The following TENM2 variants were observed in gnomAD, a reference collection of about 807,000 sequenced individuals.
The protein encoded by TENM2 is teneurin-2.
In TENM2, 52 loss-of-function variants were observed where a neutral mutation model predicts 245.2. That is an observed-to-expected ratio of 0.21 (90% CI 0.17 to 0.27). The LOEUF is 0.27. Ranked by LOEUF, TENM2 falls within the 10% of genes least tolerant of loss-of-function variation. The pLI is 1.00. For synonymous variants in TENM2, 1,363 were observed against 1,438.9 expected (o/e 0.95, Z 1.19); for missense variants, 3,046 against 3,666.8 (o/e 0.83, Z 4.37).
At chr5:168,008,738 TCTCTGTTGTCATAATGGG>T (rs1785010068) in intron 5 of TENM2, among the ~76,000 whole-genome samples, 1 of 152,208 alleles carries the variant, frequency 6.6e-6, no homozygotes, top group South Asian at 2.1e-4. Context: ...CCTTAAGGTT[TCTCTGTTGTCATAATGGG>T]AGAACTGAAA....
At chr5:167,874,302 C>A (rs1293641080) in intron 2 of TENM2, among the ~76,000 whole-genome samples, 1 of 152,116 alleles carries the variant, frequency 6.6e-6, no homozygotes, top group Non-Finnish European at 1.5e-5. Flanking sequence ...TTTTTGTATC[C>A]TCAATGTCTA....
the TENM2 span, among the ~76,000 whole-genome samples, chr5:167,133,229 G>T: frequency 6.6e-6 from 1 of 152,118 alleles, no homozygotes; most frequent in Non-Finnish European, 1.5e-5. Flanking sequence ...GGTTAGTATT[G>T]AGGCCGACAC....
chr5:167,561,003 C>T (rs1773553471), intron 2 of TENM2, among the ~76,000 whole-genome samples: 1 of 152,158 alleles, frequency 6.6e-6, no homozygotes. Context: ...AAGCCATGAT[C>T]CAGCCCAAAA....
At position 168,136,069 on chromosome 5, in the gene TENM2, T is replaced by C. The variant is rs1227551182; in HGVS notation, c.2422+9103T>C. 2.6e-5 allele frequency among the ~76,000 whole-genome samples: 4 copies of C among 152,298 alleles called. No homozygotes were observed. The East Asian group carries it at 7.7e-4, about 29-fold the overall frequency. On this transcript the variant is annotated intron_variant, in intron 12 of 28. Transcript: ENST00000518659. ...GACCAACATGTGTCAAGTGAGAAGA[T>C]TAACTCAGCAGATGTTTATATATTC...
exon 25 of TENM2, chr5:168,228,003 C>T: frequency 6.2e-7 from 1 of 1,613,852 alleles, no homozygotes; most frequent in Non-Finnish European, 8.5e-7. Context: ...CTAGCGGGCA[C>T]CATCACCCCC....
At chr5:168,146,705 G>A (rs1325857773) in intron 12 of TENM2, among the ~76,000 whole-genome samples, 2 of 152,164 alleles carry the variant, frequency 1.3e-5, no homozygotes, top group African/African-American at 4.8e-5. Flanking sequence ...TCAGTTTTGT[G>A]AGGTGAATAC....
chr5:167,372,116 G>A (rs769387283), intron 1 of TENM2, among the ~76,000 whole-genome samples: 2 of 152,004 alleles, frequency 1.3e-5, no homozygotes, highest in Non-Finnish European at 2.9e-5. Context: ...GATTTTAGAG[G>A]AAAATCTTCC....
intron 9 of TENM2, among the ~76,000 whole-genome samples, chr5:168,114,373 GCAGT>G (rs1477379648): frequency 6.6e-6 from 1 of 152,178 alleles, no homozygotes; most frequent in Admixed American, 6.5e-5. Flanking sequence ...CACAGAGTAG[GCAGT>G]CAGTGTCATT....
chr5:167,310,631 AAAAAC>A (rs1264424274), intron 1 of TENM2, among the ~76,000 whole-genome samples: 2 of 151,990 alleles, frequency 1.3e-5, no homozygotes, highest in African/African-American at 4.9e-5. Context: ...AACAAAAACA[AAAAAC>A]AAAAAAAACA....
chr5:167,039,542 C>G, the TENM2 span, among the ~76,000 whole-genome samples: 1 of 151,976 alleles, frequency 6.6e-6, no homozygotes, highest in African/African-American at 2.4e-5. Flanking sequence ...GTGGCCTCTG[C>G]TCATACTGCA....
chr5:167,587,798 A>G (rs1243851339), intron 2 of TENM2, among the ~76,000 whole-genome samples: 3 of 152,222 alleles, frequency 2.0e-5, no homozygotes, highest in Non-Finnish European at 4.4e-5. Flanking sequence ...AAAACAAATT[A>G]GTTTCCCACA....
At chr5:167,716,754 A>G (rs1046333543) in intron 2 of TENM2, among the ~76,000 whole-genome samples, 1 of 152,126 alleles carries the variant, frequency 6.6e-6, no homozygotes, top group Non-Finnish European at 1.5e-5. Flanking sequence ...TTCTGACACA[A>G]GCATTACTAT....
chr5:167,650,343 A>G (rs1427412129), intron 2 of TENM2, among the ~76,000 whole-genome samples: 1 of 152,216 alleles, frequency 6.6e-6, no homozygotes, highest in Non-Finnish European at 1.5e-5. Flanking sequence ...TTCTTATAAC[A>G]TGGCCTAAAG....
intron 2 of TENM2, among the ~76,000 whole-genome samples, chr5:167,700,058 A>G (rs552460637): frequency 1.3e-5 from 2 of 152,292 alleles, no homozygotes; most frequent in Admixed American, 1.3e-4. Flanking sequence ...TGAGTTCTTC[A>G]GACCTCTTCA....
intron 2 of TENM2, among the ~76,000 whole-genome samples, chr5:167,872,412 GAA>G (rs917846469): frequency 1.3e-5 from 2 of 149,714 alleles, no homozygotes; most frequent in African/African-American, 4.9e-5. Context: ...GAAAAAAAGA[GAA>G]AGAGAGAGAC....
chr5:167,660,782 C>T (rs1373800605), intron 2 of TENM2, among the ~76,000 whole-genome samples: 1 of 152,098 alleles, frequency 6.6e-6, no homozygotes, highest in Non-Finnish European at 1.5e-5. Context: ...AGTACATTCT[C>T]CTGTCTGTAT....
At chr5:167,728,301 T>C (rs1312648308) in intron 2 of TENM2, among the ~76,000 whole-genome samples, 1 of 152,056 alleles carries the variant, frequency 6.6e-6, no homozygotes, top group Non-Finnish European at 1.5e-5. Flanking sequence ...TAAGTCTCCC[T>C]AATTTTAAAT....
chr5:167,878,335 A>C (rs1773595212), intron 3 of TENM2, among the ~76,000 whole-genome samples: 1 of 152,214 alleles, frequency 6.6e-6, no homozygotes, highest in South Asian at 2.1e-4. Context: ...CTTTAGTAAC[A>C]GGAGAAAATG....
At chr5:167,264,372 AT>A in the TENM2 span, among the ~76,000 whole-genome samples, 1 of 152,052 alleles carries the variant, frequency 6.6e-6, no homozygotes, top group Non-Finnish European at 1.5e-5. Context: ...TCAGCTTCTT[AT>A]TTTTCGTAAA....
Sources: allele counts gnomAD v4.1 joint callset (sites outside exome capture counted in the v4.1 genomes callset), GRCh38; gene constraint gnomAD v4.1.1; transcripts MANE v1.5; gene names NCBI Gene and HGNC (gene_info 2026-07-23, HGNC 2026-07-21).